ARHGAP42: variants seen among roughly 807,000 people sequenced by gnomAD.
ARHGAP42 encodes the protein Rho GTPase activating protein 42.
In ARHGAP42, 63 loss-of-function variants were observed where a neutral mutation model predicts 125.0. The ratio of observed to expected loss-of-function variants is 0.50; its 90% CI spans 0.41 to 0.62. The LOEUF is 0.62. ARHGAP42 is among the 20% of genes least tolerant of loss of function. The probability of loss-of-function intolerance (pLI) is 0.00; values close to 1 mark genes in which losing one functional copy is unlikely to be tolerated. For missense variants in ARHGAP42, 766 were observed against 1,024.2 expected (o/e 0.75, Z 3.44); for synonymous variants, 339 against 351.0 (o/e 0.97, Z 0.38).
chr11:100,903,710 ATAT>A (rs1420395325), intron 4 of ARHGAP42, among the ~76,000 whole-genome samples: 1,410 of 56,346 alleles, frequency 0.025, 77 homozygotes, highest in African/African-American at 0.035. Context: ...GTCCCTCAAA[ATAT>A]ATATATATAT....
Position 100,965,505 on chromosome 11 carries a change from A to T in ARHGAP42, c.1445-166A>T, listed in dbSNP as rs548421219. ...CTAACTTCATGACCATGGGCAAGTT[A>T]CTCAACTTCTGCAAGCCATAGGGAA... On this transcript the variant is annotated intron_variant, in intron 16 of 23. Transcript: ENST00000298815. 7.9e-5 allele frequency among the ~76,000 whole-genome samples: 12 copies of T among 152,328 alleles called. No homozygotes were observed. The South Asian group carries it at 2.5e-3, about 32-fold the overall frequency.
At chr11:100,861,643 G>A (rs555608740) in intron 4 of ARHGAP42, among the ~76,000 whole-genome samples, 2 of 152,142 alleles carry the variant, frequency 1.3e-5, no homozygotes, top group African/African-American at 4.8e-5. Context: ...AGAAGGTTTC[G>A]GGAATGTCCC....
At chr11:100,856,172 T>A (rs1296284632) in intron 3 of ARHGAP42, among the ~76,000 whole-genome samples, 1 of 152,064 alleles carries the variant, frequency 6.6e-6, no homozygotes, top group East Asian at 1.9e-4. Context: ...GAGTTCCATA[T>A]GAGCAAAAAT....
chr11:100,850,530 T>C (rs1229918796), intron 3 of ARHGAP42, among the ~76,000 whole-genome samples: 2 of 152,216 alleles, frequency 1.3e-5, no homozygotes, highest in African/African-American at 4.8e-5. Context: ...TACCGTGTTG[T>C]GGTCATAATG....
At chr11:100,941,131 C>T (rs923921416) in intron 8 of ARHGAP42, among the ~76,000 whole-genome samples, 1 of 152,034 alleles carries the variant, frequency 6.6e-6, no homozygotes, top group East Asian at 1.9e-4. Flanking sequence ...AAAAGTAGTC[C>T]AGGCCTGGGA....
intron 12 of ARHGAP42, among the ~76,000 whole-genome samples, chr11:100,952,941 G>A (rs956209543): frequency 2.0e-5 from 3 of 151,992 alleles, no homozygotes; most frequent in African/African-American, 4.8e-5. Flanking sequence ...CACCATGTTG[G>A]CCATGTTGGT....
intron 3 of ARHGAP42, among the ~76,000 whole-genome samples, chr11:100,817,824 C>T (rs940507397): frequency 6.6e-6 from 1 of 152,152 alleles, no homozygotes; most frequent in African/African-American, 2.4e-5. Context: ...TTTAACCTCA[C>T]AGAAGATTAC....
chr11:100,878,130 C>CT (rs890184852), intron 4 of ARHGAP42, among the ~76,000 whole-genome samples: 1 of 150,340 alleles, frequency 6.7e-6, no homozygotes, highest in Admixed American at 6.7e-5. Flanking sequence ...CCTTCTATTT[C>CT]TTTTTTTCTT....
At chr11:100,794,074 T>C (rs1863643338) in intron 2 of ARHGAP42, among the ~76,000 whole-genome samples, 1 of 37,418 alleles carries the variant, frequency 2.7e-5, no homozygotes, top group African/African-American at 1.3e-4. Context: ...AGACCCTGTC[T>C]CAAAAAAAAA....
chr11:100,882,460 G>T (rs981539891), intron 4 of ARHGAP42, among the ~76,000 whole-genome samples: 7 of 150,830 alleles, frequency 4.6e-5, no homozygotes, highest in African/African-American at 1.7e-4. Context: ...ATCATGGTGG[G>T]TTAGCTTTTT....
intron 2 of ARHGAP42, among the ~76,000 whole-genome samples, chr11:100,786,209 C>T (rs549997659): frequency 6.6e-6 from 1 of 152,238 alleles, no homozygotes; most frequent in African/African-American, 2.4e-5. Flanking sequence ...CAAAACAAAA[C>T]AAGGGAACAT....
At chr11:100,740,152 G>T (rs1862154111) in intron 1 of ARHGAP42, among the ~76,000 whole-genome samples, 1 of 149,020 alleles carries the variant, frequency 6.7e-6, no homozygotes, top group Non-Finnish European at 1.5e-5. Context: ...AAGTTTTCCT[G>T]TTGACAGTGA....
intron 2 of ARHGAP42, among the ~76,000 whole-genome samples, chr11:100,779,542 A>ATACATACG (rs1211752666): frequency 2.4e-5 from 1 of 42,302 alleles, no homozygotes; most frequent in Non-Finnish European, 6.5e-5. Flanking sequence ...ATATATACGT[A>ATACATACG]TATATATACA....
chr11:100,917,418 CT>C (rs773856357), intron 5 of ARHGAP42, among the ~76,000 whole-genome samples: 1 of 152,150 alleles, frequency 6.6e-6, no homozygotes, highest in Non-Finnish European at 1.5e-5. Context: ...GCCGGACTGT[CT>C]TTGCAATGTC....
chr11:100,838,393 TAA>T (rs925912129), intron 3 of ARHGAP42, among the ~76,000 whole-genome samples: 3 of 152,096 alleles, frequency 2.0e-5, no homozygotes, highest in African/African-American at 7.2e-5. Flanking sequence ...CTCATCAAGC[TAA>T]AGATATCTTA....
intron 4 of ARHGAP42, among the ~76,000 whole-genome samples, chr11:100,912,548 G>A (rs1468529849): frequency 6.6e-6 from 1 of 152,126 alleles, no homozygotes; most frequent in Non-Finnish European, 1.5e-5. Flanking sequence ...TTTGGCCAAT[G>A]AAATTTATGA....
At chr11:100,834,739 A>G (rs888601040) in intron 3 of ARHGAP42, among the ~76,000 whole-genome samples, 3 of 151,984 alleles carry the variant, frequency 2.0e-5, no homozygotes, top group Admixed American at 1.3e-4. Flanking sequence ...TATAAATGCT[A>G]TGACCAAGGT....
chr11:100,939,200 C>T (rs1334067034), intron 8 of ARHGAP42, among the ~76,000 whole-genome samples: 6 of 152,124 alleles, frequency 3.9e-5, no homozygotes, highest in Admixed American at 1.3e-4. Context: ...ATTGGGATTC[C>T]ATGCCTGTGC....
chr11:100,962,070 T>C (rs1352281575), intron 15 of ARHGAP42, among the ~76,000 whole-genome samples: 2 of 152,050 alleles, frequency 1.3e-5, no homozygotes, highest in Non-Finnish European at 2.9e-5. Flanking sequence ...GAATGGAAAG[T>C]TGTGTTGTTT....
Sources: gnomAD v4.1 joint callset for allele counts (sites outside exome capture counted in the v4.1 genomes callset) on GRCh38, gnomAD v4.1.1 for gene constraint, MANE v1.5 for transcripts, NCBI Gene and HGNC (gene_info 2026-07-23, HGNC 2026-07-21) for gene names.